The following ARSB variants were observed in gnomAD, a reference collection of about 807,000 sequenced individuals.
The protein encoded by ARSB is N-acetylgalactosamine-4-sulfatase.
ARSB carries 41 observed loss-of-function variants against 50.9 expected under a neutral mutation model. The ratio of observed to expected loss-of-function variants is 0.81; its 90% CI spans 0.63 to 1.04. The LOEUF is 1.04. Among genes scored for constraint, ARSB ranks in the 50% least tolerant of loss-of-function variants. ARSB has a pLI of 0.00. For missense variants in ARSB, 672 were observed against 693.3 expected, an observed-to-expected ratio of 0.97 and a Z score of 0.35; for synonymous variants, 269 against 284.8, an observed-to-expected ratio of 0.94 and a Z score of 0.56.
At chr5:78,896,194 G>A (rs1465002271) in intron 4 of ARSB, among the ~76,000 whole-genome samples, 2 of 152,208 alleles carry the variant, frequency 1.3e-5, no homozygotes, top group Non-Finnish European at 2.9e-5. Context: ...GAGCACAAAT[G>A]TGGCACAGAG....
At chr5:78,798,063 A>G (rs2112641183) in intron 6 of ARSB, among the ~76,000 whole-genome samples, 1 of 152,378 alleles carries the variant, frequency 6.6e-6, no homozygotes, top group East Asian at 1.9e-4. Flanking sequence ...ATTTGGCAAC[A>G]GGATGTTATA....
At chr5:78,967,692 A>C (rs904537315) in intron 2 of ARSB, among the ~76,000 whole-genome samples, 1 of 151,966 alleles carries the variant, frequency 6.6e-6, no homozygotes, top group African/African-American at 2.4e-5. Flanking sequence ...AAAAAAAAGA[A>C]ATTTCAAATA....
intron 1 of ARSB, among the ~76,000 whole-genome samples, chr5:78,982,477 G>C (rs1045137121): frequency 6.6e-6 from 1 of 152,164 alleles, no homozygotes; most frequent in African/African-American, 2.4e-5. Flanking sequence ...TCCTTGGGAT[G>C]TTATTTTTAA....
chr5:78,877,943 G>A (rs1303246328), intron 5 of ARSB, among the ~76,000 whole-genome samples: 1 of 152,102 alleles, frequency 6.6e-6, no homozygotes, highest in African/African-American at 2.4e-5. Context: ...AGACCCAAGT[G>A]GAGCTTCAAG....
At chr5:78,852,850 A>T (rs1238926734) in intron 5 of ARSB, among the ~76,000 whole-genome samples, 3 of 151,676 alleles carry the variant, frequency 2.0e-5, no homozygotes, top group Non-Finnish European at 4.4e-5. Flanking sequence ...TGATTGCATC[A>T]GCTCCTGAGG....
chr5:78,880,348 T>C (rs1333650298), intron 5 of ARSB, among the ~76,000 whole-genome samples: 2 of 152,198 alleles, frequency 1.3e-5, no homozygotes, highest in East Asian at 3.8e-4. Context: ...CTCAGTAAAT[T>C]TGGGACTCAA....
chr5:78,928,613 G>C (rs1021186937), intron 4 of ARSB, among the ~76,000 whole-genome samples: 1 of 152,168 alleles, frequency 6.6e-6, no homozygotes, highest in Non-Finnish European at 1.5e-5. Flanking sequence ...GCCATGCCCG[G>C]CTGCTTTTGC....
At chr5:78,817,224 AC>A in intron 6 of ARSB, 1 of 499,866 alleles carries the variant, frequency 2.0e-6, no homozygotes, top group Non-Finnish European at 2.6e-6. Context: ...CAATAATCCA[AC>A]TGCTTCACTC....
intron 5 of ARSB, among the ~76,000 whole-genome samples, chr5:78,859,425 C>A (rs537434930): frequency 6.6e-6 from 1 of 152,254 alleles, no homozygotes; most frequent in South Asian, 2.1e-4. Flanking sequence ...GGTAGGACTT[C>A]TGGGTTAATT....
At chr5:78,912,835 G>T (rs1749368219) in intron 4 of ARSB, among the ~76,000 whole-genome samples, 1 of 152,122 alleles carries the variant, frequency 6.6e-6, no homozygotes, top group Non-Finnish European at 1.5e-5. Flanking sequence ...TCCATGTCTT[G>T]ATAAAAACCA....
intron 5 of ARSB, among the ~76,000 whole-genome samples, chr5:78,870,820 T>A (rs1297525922): frequency 6.6e-6 from 1 of 151,750 alleles, no homozygotes; most frequent in African/African-American, 2.4e-5. Flanking sequence ...GCCAGGGCAA[T>A]TAGGCAGGGG....
At chr5:78,825,522 A>G (rs1295597911) in intron 6 of ARSB, among the ~76,000 whole-genome samples, 1 of 152,220 alleles carries the variant, frequency 6.6e-6, no homozygotes, top group Non-Finnish European at 1.5e-5. Flanking sequence ...TTTTTAAAAC[A>G]TTAGTTGTTA....
chr5:78,975,893 T>C (rs1752640242), intron 1 of ARSB, among the ~76,000 whole-genome samples: 1 of 152,166 alleles, frequency 6.6e-6, no homozygotes, highest in East Asian at 1.9e-4. Flanking sequence ...ACAATTAAAA[T>C]ATGTATTAGG....
intron 3 of ARSB, among the ~76,000 whole-genome samples, chr5:78,961,482 C>T (rs1751980855): frequency 1.3e-5 from 2 of 152,180 alleles, no homozygotes; most frequent in African/African-American, 4.8e-5. Context: ...TACCTACGAA[C>T]AGCGGCTATG....
At chr5:78,889,291 TA>T (rs1389532510) in intron 4 of ARSB, among the ~76,000 whole-genome samples, 1 of 152,220 alleles carries the variant, frequency 6.6e-6, no homozygotes. Context: ...AATTAGAATT[TA>T]AAAAGACAAT....
chr5:78,879,407 C>G (rs6887407), intron 5 of ARSB, among the ~76,000 whole-genome samples: 56,139 of 152,076 alleles, frequency 0.37, 11,318 homozygotes, highest in Non-Finnish European at 0.45. Context: ...CGAAGGAGCT[C>G]CTATTGTAAA....
intron 4 of ARSB, among the ~76,000 whole-genome samples, chr5:78,936,047 C>G (rs1193156163): frequency 9.1e-6 from 1 of 109,494 alleles, no homozygotes; most frequent in Admixed American, 9.3e-5. Flanking sequence ...CTCCCTCCCT[C>G]TCTCTTTCCC....
intron 4 of ARSB, among the ~76,000 whole-genome samples, chr5:78,916,895 AG>A (rs1749574011): frequency 1.3e-5 from 2 of 152,268 alleles, no homozygotes; most frequent in Admixed American, 1.3e-4. Flanking sequence ...GGAATGATAT[AG>A]TGGTGAACAA....
At chr5:78,830,897 G>T (rs1744640552) in intron 6 of ARSB, among the ~76,000 whole-genome samples, 1 of 152,122 alleles carries the variant, frequency 6.6e-6, no homozygotes, top group Non-Finnish European at 1.5e-5. Context: ...GTACAGGCAG[G>T]CACGGAAGCA....
Sources: allele counts gnomAD v4.1 joint callset (sites outside exome capture counted in the v4.1 genomes callset), GRCh38; gene constraint gnomAD v4.1.1; transcripts MANE v1.5; gene names NCBI Gene and HGNC (gene_info 2026-07-23, HGNC 2026-07-21).